Variants in TRIM24 observed in about 807,000 individuals in gnomAD.
The protein encoded by TRIM24 is transcription intermediary factor 1-alpha.
Under a neutral mutation model 123.9 loss-of-function variants are expected in TRIM24, and 29 were observed. That is an observed-to-expected ratio of 0.23 (90% CI 0.17 to 0.32). TRIM24 has a LOEUF of 0.32. Ranked by LOEUF, TRIM24 falls within the 10% of genes least tolerant of loss-of-function variation. The probability of loss-of-function intolerance (pLI) is 1.00; values close to 1 mark genes in which losing one functional copy is unlikely to be tolerated. For synonymous variants in TRIM24, 456 were observed against 461.1 expected (o/e 0.99, Z 0.14); for missense variants, 932 against 1,295.3 (o/e 0.72, Z 4.31).
chr7:138,470,256 A>G (rs1795243247), intron 1 of TRIM24, among the ~76,000 whole-genome samples: 1 of 147,188 alleles, frequency 6.8e-6, no homozygotes, highest in Non-Finnish European at 1.5e-5. Flanking sequence ...TCAGCCTCCC[A>G]AGTAGCTGGG....
intron 1 of TRIM24, among the ~76,000 whole-genome samples, chr7:138,490,072 ACTTCT>A (rs1269393430): frequency 6.6e-5 from 10 of 151,786 alleles, no homozygotes; most frequent in African/African-American, 1.9e-4. Context: ...TTTTCTCTAA[ACTTCT>A]CTTCTCGCTT....
At chr7:138,470,956 A>G (rs577026568) in intron 1 of TRIM24, among the ~76,000 whole-genome samples, 1 of 152,384 alleles carries the variant, frequency 6.6e-6, no homozygotes, top group Non-Finnish European at 1.5e-5. Flanking sequence ...TGATAAAGAT[A>G]GTACTCCTTT....
In TRIM24 at chr7:138,577,417, C is replaced by T; in HGVS notation, c.2088-3C>T. 1 of 1,547,618 alleles carries T rather than the reference C, an allele frequency of 6.5e-7. No individual in the cohort carries two copies. The highest frequency in any genetic ancestry group is 8.7e-7 in the Non-Finnish European group (1 of 1,151,362). ...TGCTTTTTCTTCTCTCTCATACTTA[C>T]AGCTCTGGCTCTTCCAGCAAACCAG... On this transcript the variant is annotated splice_polypyrimidine_tract_variant and splice_region_variant and intron_variant, in intron 13 of 18. Coordinates refer to ENST00000343526, the MANE Select transcript of TRIM24 (RefSeq NM_015905.3).
At chr7:138,476,462 G>A (rs903628892) in intron 1 of TRIM24, among the ~76,000 whole-genome samples, 2 of 151,888 alleles carry the variant, frequency 1.3e-5, no homozygotes, top group Admixed American at 6.6e-5. Context: ...GCATGGTGGC[G>A]TGCGCCTGTA....
chr7:138,560,038 A>G (rs926604192), intron 9 of TRIM24, among the ~76,000 whole-genome samples: 25 of 152,128 alleles, frequency 1.6e-4, no homozygotes, highest in African/African-American at 6.0e-4. Flanking sequence ...ATGATTGGGG[A>G]TGGCCAACCG....
rs1797274555 is a variant in TRIM24 at position 138,554,379 on chromosome 7, A to C, written c.1262-319A>C. On this transcript the variant is annotated intron_variant, in intron 8 of 18. Transcript: ENST00000343526. The surrounding 1 kb of genome is among the most constrained non-coding windows in gnomAD (Gnocchi z 4.5). ...TTCAAACAGATTTTTTAAAACATCA[A>C]ACAGTATTTTAAAATATCAAAAAAT... 6.6e-6 allele frequency among the ~76,000 whole-genome samples: 1 copy of C among 152,266 alleles called. No homozygotes were observed. Among genetic ancestry groups the C allele is most frequent in the African/African-American group, 2.4e-5 (1 of 41,474 alleles).
intron 1 of TRIM24, among the ~76,000 whole-genome samples, chr7:138,495,591 T>G (rs1195113782): frequency 6.6e-6 from 1 of 151,950 alleles, no homozygotes; most frequent in Non-Finnish European, 1.5e-5. Context: ...ATTTCTGCAG[T>G]TTTAGGATGG....
At chr7:138,578,043 G>A (rs1797800590) in intron 14 of TRIM24, among the ~76,000 whole-genome samples, 1 of 151,982 alleles carries the variant, frequency 6.6e-6, no homozygotes, top group Non-Finnish European at 1.5e-5. Flanking sequence ...TACAGCAGCA[G>A]CAGCAGCTTG....
chr7:138,575,284 C>G (rs10249171), intron 12 of TRIM24, among the ~76,000 whole-genome samples: 1,875 of 152,050 alleles, frequency 0.012, 32 homozygotes, highest in African/African-American at 0.042. Context: ...CTTATATTAT[C>G]AGGAGATTAT....
intron 7 of TRIM24, among the ~76,000 whole-genome samples, chr7:138,541,429 C>CAATGAGCAGTAATATTTTAA (rs1455661468): frequency 6.6e-6 from 1 of 152,160 alleles, no homozygotes; most frequent in Non-Finnish European, 1.5e-5. Context: ...TTGTATTTGT[C>CAATGAGCAGTAATATTTTAA]AATGAGCAGT....
At chr7:138,505,509 G>GTTGTT (rs1554436148) in intron 2 of TRIM24, among the ~76,000 whole-genome samples, 15,769 of 143,764 alleles carry the variant, frequency 0.11, 937 homozygotes, top group Admixed American at 0.16. Context: ...TGGGGGTGGT[G>GTTGTT]GTTGTTGTTG....
At chr7:138,516,027 C>T (rs113550713) in intron 3 of TRIM24, among the ~76,000 whole-genome samples, 479 of 152,258 alleles carry the variant, frequency 3.1e-3, no homozygotes, top group African/African-American at 0.011. Context: ...TGGCCGGGCG[C>T]GGTGGCTCAC....
chr7:138,523,941 A>G (rs1299544438), intron 4 of TRIM24, among the ~76,000 whole-genome samples: 1 of 152,116 alleles, frequency 6.6e-6, no homozygotes, highest in African/African-American at 2.4e-5. Context: ...AGAAACGGAA[A>G]ATAAGTAGGA....
At chr7:138,496,630 A>T (rs916339873) in intron 1 of TRIM24, among the ~76,000 whole-genome samples, 9 of 151,884 alleles carry the variant, frequency 5.9e-5, no homozygotes, top group Non-Finnish European at 1.2e-4. Flanking sequence ...TTTGTTATGG[A>T]TAGGTGAATT....
chr7:138,516,224 C>A (rs1796391336), intron 3 of TRIM24, among the ~76,000 whole-genome samples: 1 of 152,182 alleles, frequency 6.6e-6, no homozygotes. Context: ...ATGGCGTGAA[C>A]CCGGGAGGCG....
chr7:138,515,911 G>T lies in TRIM24; in HGVS notation c.631+552G>T, dbSNP rs564275550. 3.3e-5 allele frequency among the ~76,000 whole-genome samples: 5 copies of T among 152,190 alleles called. No homozygotes were observed. The South Asian group carries it at 8.3e-4, about 25-fold the overall frequency. The stretch of plus-strand genomic sequence containing the variant: ...TAACTACTAAATGTACAATTCAGTG[G>T]TATTTATTACATTTACACATTGTGC... On this transcript the variant is annotated intron_variant, in intron 3 of 18. Coordinates refer to ENST00000343526, the MANE Select transcript of TRIM24 (RefSeq NM_015905.3).
intron 9 of TRIM24, among the ~76,000 whole-genome samples, chr7:138,562,835 T>C (rs929688886): frequency 6.6e-6 from 1 of 152,196 alleles, no homozygotes; most frequent in Non-Finnish European, 1.5e-5. Flanking sequence ...GTTAACACCA[T>C]GGCCTTTGGG....
At chr7:138,530,705 C>A (rs773796545) in intron 6 of TRIM24, among the ~76,000 whole-genome samples, 11 of 151,824 alleles carry the variant, frequency 7.2e-5, no homozygotes, top group Non-Finnish European at 1.3e-4. Flanking sequence ...TGGGCTCAGG[C>A]AGTCTGTCTG....
chr7:138,578,631 C>T (rs1016387096), intron 14 of TRIM24, among the ~76,000 whole-genome samples: 1 of 151,880 alleles, frequency 6.6e-6, no homozygotes, highest in Non-Finnish European at 1.5e-5. Context: ...ATCTCCTGAT[C>T]TTCACTAGTA....
Sources: allele counts gnomAD v4.1 joint callset (sites outside exome capture counted in the v4.1 genomes callset), GRCh38; gene constraint gnomAD v4.1.1; non-coding constraint Gnocchi (gnomAD v3.1); transcripts MANE v1.5; gene names NCBI Gene and HGNC (gene_info 2026-07-23, HGNC 2026-07-21).